MAPK14: variants seen among roughly 807,000 people sequenced by gnomAD.
The protein encoded by MAPK14 is CSAID-binding protein.
MAPK14 carries 16 observed loss-of-function variants against 49.6 expected under a neutral mutation model. The ratio of observed to expected loss-of-function variants is 0.32; its 90% CI spans 0.22 to 0.49. MAPK14 has a LOEUF of 0.49. Among genes scored for constraint, MAPK14 ranks in the 20% least tolerant of loss-of-function variants. MAPK14 has a pLI of 0.99. For missense variants in MAPK14, 200 were observed against 441.2 expected, an observed-to-expected ratio of 0.45 and a Z score of 4.90; for synonymous variants, 142 against 158.0, an observed-to-expected ratio of 0.90 and a Z score of 0.76.
At chr6:36,116,834 T>C in the MAPK14 span, among the ~76,000 whole-genome samples, 1 of 152,166 alleles carries the variant, frequency 6.6e-6, no homozygotes, top group Non-Finnish European at 1.5e-5. Context: ...GAACTGCTAC[T>C]GTATGTTAGG....
chr6:36,029,030 G>GCTCACT (rs1762430118), intron 1 of MAPK14: 1 of 151,868 alleles, frequency 6.6e-6, no homozygotes, highest in African/African-American at 2.4e-5. Flanking sequence ...AAACTGGCAG[G>GCTCACT]CTCACTGATT....
intron 8 of MAPK14, among the ~76,000 whole-genome samples, chr6:36,077,660 T>C (rs1003444967): frequency 6.6e-6 from 1 of 152,182 alleles, no homozygotes; most frequent in Non-Finnish European, 1.5e-5. Flanking sequence ...TGAAAAAACC[T>C]CTATTTCTCA....
At chr6:36,114,468 A>C (rs1488332833), downstream of MAPK14, among the ~76,000 whole-genome samples, 1 of 151,716 alleles carries the variant, frequency 6.6e-6, no homozygotes, top group Non-Finnish European at 1.5e-5. Flanking sequence ...AATACAAAAA[A>C]TTAGCCGGGC....
intron 3 of MAPK14, among the ~76,000 whole-genome samples, chr6:36,071,956 G>A (rs191928019): frequency 1.3e-5 from 2 of 152,278 alleles, no homozygotes; most frequent in African/African-American, 4.8e-5. Flanking sequence ...AAAGTGCTAA[G>A]ATTATAGGTG....
At position 36,107,524 on chromosome 6, in the gene MAPK14, C is replaced by A; in HGVS notation, c.911C>A (p.Ala304Glu). ...AGAATTACAGCGGCCCAAGCCCTTG[C>A]ACATGCCTACTTTGCTCAGTACCAC... ...DKRITAAQALAHAYFAQYHDP... is the reference protein window; with the variant it reads ...DKRITAAQALEHAYFAQYHDP... Residue 304 changes from alanine to glutamate, a missense_variant, in exon 11 of 12, where the codon GCA becomes GAA. By Grantham distance (107) the Ala-to-Glu change is moderately radical (BLOSUM62 -1). Around this residue, in one of 2 missense-constraint regions of MAPK14, gnomAD observed 170 missense variants for 407.0 expected, o/e 0.42. Coordinates refer to ENST00000229794, the MANE Select transcript of MAPK14 (RefSeq NM_139012.3). This position sits in a 1 kb window ranked among gnomAD's most constrained non-coding sequence, Gnocchi z 4.3. 1.2e-6 allele frequency: 2 copies of A among 1,605,940 alleles called. No individual in the cohort carries two copies. The highest frequency in any genetic ancestry group is 1.7e-6 in the Non-Finnish European group (2 of 1,176,168).
At chr6:36,093,433 C>T (rs1765318692) in intron 8 of MAPK14, among the ~76,000 whole-genome samples, 1 of 152,118 alleles carries the variant, frequency 6.6e-6, no homozygotes, top group Non-Finnish European at 1.5e-5. Flanking sequence ...TAAAAATTGA[C>T]TCTCAGCCAG....
At chr6:36,111,711 G>A (rs939094573), downstream of MAPK14, among the ~76,000 whole-genome samples, 2 of 152,148 alleles carry the variant, frequency 1.3e-5, no homozygotes, top group African/African-American at 4.8e-5. Context: ...CACCCAGCAG[G>A]TGTCCCAGGG....
chr6:36,059,377 G>C, intron 3 of MAPK14, 30 bp downstream of exon 3: 1 of 1,524,690 alleles, frequency 6.6e-7, no homozygotes, highest in African/African-American at 1.4e-5. Context: ...TTGCCTTCCT[G>C]GTCTACAGAA....
chr6:36,029,508 T>G (rs1365601208), intron 1 of MAPK14, among the ~76,000 whole-genome samples: 2 of 152,248 alleles, frequency 1.3e-5, no homozygotes, highest in African/African-American at 4.8e-5. Context: ...GTTAGCTTTT[T>G]CTGTGTTTTA....
the MAPK14 span, among the ~76,000 whole-genome samples, chr6:36,121,314 G>A: frequency 2.6e-5 from 4 of 152,320 alleles, no homozygotes; most frequent in Non-Finnish European, 4.4e-5. Context: ...GGGGTGGGGC[G>A]TTATGGGGAG....
At chr6:36,034,734 CT>C (rs949589733) in intron 1 of MAPK14, among the ~76,000 whole-genome samples, 11 of 152,010 alleles carry the variant, frequency 7.2e-5, no homozygotes, top group Non-Finnish European at 1.3e-4. Context: ...ACAGGCACAA[CT>C]CGTTTTATTA....
At position 36,088,326 on chromosome 6, in the gene MAPK14, A is replaced by G. The variant is rs1017966985; in HGVS notation, c.683-7661A>G. Among the ~76,000 whole-genome samples, 15 of 152,316 alleles carry G rather than the reference A, an allele frequency of 9.8e-5. No individual in the cohort carries two copies. The East Asian group carries it at 2.5e-3, about 25-fold the overall frequency. On this transcript the variant is annotated intron_variant, in intron 8 of 11. Coordinates refer to ENST00000229794, the MANE Select transcript of MAPK14 (RefSeq NM_139012.3). ...TATCGTCAGAGTGAACAGACAACCT[A>G]CAGAATGGGAGACAGTTTTTGCAAT...
chr6:36,068,579 T>C (rs1227269954), intron 3 of MAPK14, among the ~76,000 whole-genome samples: 1 of 151,428 alleles, frequency 6.6e-6, no homozygotes, highest in Non-Finnish European at 1.5e-5. Flanking sequence ...AAATGGGTTT[T>C]TTTGTTTTGT....
intron 1 of MAPK14, among the ~76,000 whole-genome samples, chr6:36,033,112 A>ATAG (rs1475218829): frequency 6.6e-6 from 1 of 151,972 alleles, no homozygotes; most frequent in Non-Finnish European, 1.5e-5. Flanking sequence ...TCTAGTAGTG[A>ATAG]TAGTAGGTCC....
Position 36,107,077 on chromosome 6 carries a change from A to G in MAPK14, c.842-378A>G, listed in dbSNP as rs918140327. Among the ~76,000 whole-genome samples, 5 of 152,204 alleles carry G rather than the reference A, an allele frequency of 3.3e-5. No homozygotes were observed. Among genetic ancestry groups the G allele is most frequent in the Admixed American group, 1.3e-4 (2 of 15,274 alleles). ...ATTCTTCTTTAGTAACATATTCTTT[A>G]AAAATACAAAATACAGGAGGAGGGT... is the stretch of plus-strand genomic sequence containing the variant. On this transcript the variant is annotated intron_variant, in intron 10 of 11. Transcript: ENST00000229794. This position sits in a 1 kb window ranked among gnomAD's most constrained non-coding sequence, Gnocchi z 4.3.
At chr6:36,036,219 G>A (rs1227309727) in intron 1 of MAPK14, among the ~76,000 whole-genome samples, 1 of 137,788 alleles carries the variant, frequency 7.3e-6, no homozygotes, top group Admixed American at 8.3e-5. Flanking sequence ...TCGTGCCACT[G>A]CACTCCAGCC....
Position 36,111,166 on chromosome 6 carries a change from T to C in MAPK14, c.*2719T>C, listed in dbSNP as rs1005804867. The C allele has an allele frequency of 6.6e-6, 1 of 152,254 alleles. No homozygotes were observed. The highest frequency in any genetic ancestry group is 2.4e-5 in the African/African-American group (1 of 41,456). The allele number at this position is 152,254 out of a possible 1,614,324, so 9.4% of individuals were successfully genotyped here. On this transcript the variant is annotated 3_prime_UTR_variant, in exon 12 of 12. Transcript: ENST00000229794. ...AAGAAAAAAAAAGAAGTAGTAGATT[T>C]TGTAGCATGTGATGTAAGTAATGTA...
intron 3 of MAPK14, among the ~76,000 whole-genome samples, chr6:36,072,079 A>G (rs1411057562): frequency 6.6e-6 from 1 of 152,156 alleles, no homozygotes; most frequent in Non-Finnish European, 1.5e-5. Context: ...AGTTAAAGTT[A>G]GAATAGTAAT....
chr6:36,076,825 G>GA lies in MAPK14; in HGVS notation c.682+222dup, dbSNP rs1352240871. ...GAGTTGGAAAAATTCCTCATAAGTT[G>GA]AAAAACCCATCAAGTCTGTCTTCTT... On this transcript the variant is annotated intron_variant, in intron 8 of 11. Coordinates refer to ENST00000229794, the MANE Select transcript of MAPK14 (RefSeq NM_139012.3). 1.2e-5 allele frequency: 5 copies of GA among 430,480 alleles called. No homozygotes were observed. In the East Asian group the frequency reaches 1.9e-4, roughly 17 times the overall value. The allele number at this position is 430,480 out of a possible 1,614,324, so 26.7% of individuals were successfully genotyped here. A position where few individuals can be genotyped will look rare whatever the true frequency, so the allele number is the denominator to read the frequency against.
Sources: allele counts gnomAD v4.1 joint callset (sites outside exome capture counted in the v4.1 genomes callset), GRCh38; gene constraint gnomAD v4.1.1; regional missense constraint gnomAD v4.1.1; non-coding constraint Gnocchi (gnomAD v3.1); transcripts MANE v1.5; gene names NCBI Gene and HGNC (gene_info 2026-07-23, HGNC 2026-07-21).